NFATC2: variants seen among roughly 807,000 people sequenced by gnomAD.
NFATC2 encodes the protein nuclear factor of activated T cells 2.
A neutral mutation model predicts 87.3 loss-of-function variants in NFATC2; 22 were observed. The ratio of observed to expected loss-of-function variants is 0.25; its 90% confidence interval spans 0.18 to 0.36. The LOEUF (loss-of-function observed/expected upper bound fraction) is 0.36. Ranked by LOEUF, NFATC2 falls within the 10% of genes least tolerant of loss-of-function variation. NFATC2 has a pLI of 1.00. For synonymous variants in NFATC2, 565 were observed against 542.2 expected, an observed-to-expected ratio of 1.04 and a Z score of -0.58; for missense variants, 1,149 against 1,259.1, an observed-to-expected ratio of 0.91 and a Z score of 1.32.
In NFATC2 at chr20:51,388,464, G is replaced by A. The variant is rs940987455; in HGVS notation, c.*3032C>T. ...TTATTATATGGGTTTTTGTTTCCTG[G>A]AATGAGTAACAAATGTTTCAAGAAT... On this transcript the variant is annotated 3_prime_UTR_variant, in exon 11 of 11. Transcript: ENST00000371564. 1 of 151,140 alleles carries A rather than the reference G, an allele frequency of 6.6e-6. No individual in the cohort carries two copies. The allele number at this position is 151,140 out of a possible 1,614,324, so 9.4% of individuals were successfully genotyped here.
chr20:51,547,720 CT>C (rs1356935683), intron 1 of NFATC2, among the ~76,000 whole-genome samples: 1 of 152,196 alleles, frequency 6.6e-6, no homozygotes, highest in East Asian at 1.9e-4. Flanking sequence ...ATTGCTCTGC[CT>C]GTAATCCAGT....
intron 5 of NFATC2, among the ~76,000 whole-genome samples, chr20:51,465,327 C>T (rs1037766616): frequency 4.6e-5 from 7 of 152,130 alleles, no homozygotes; most frequent in African/African-American, 1.7e-4. Flanking sequence ...CTGCAGTGAG[C>T]CAAGATTGCA....
Position 51,523,550 on chromosome 20 carries a change from A to G in NFATC2, c.691T>C (p.Cys231Arg). The G allele has an allele frequency of 1.9e-6, 3 of 1,613,516 alleles. No individual in the cohort carries two copies. Among genetic ancestry groups the G allele is most frequent in the Non-Finnish European group, 2.5e-6 (3 of 1,179,754 alleles). ...GGCACGGGCGAGTGGCGGCCCAGGCAGCTGTCCTCGGCGAGGCTGGTTCGA... is the reference window on the plus strand; with the variant it reads ...GGCACGGGCGAGTGGCGGCCCAGGCGGCTGTCCTCGGCGAGGCTGGTTCGA... ...SPRTSLAEDS[C>R]LGRHSPVPRP... Residue 231 changes from cysteine (C) to arginine (R), a missense_variant, in exon 2 of 11, where the codon TGC (cysteine) becomes CGC (arginine). Physicochemically the swap from Cys to Arg is radical, Grantham distance 180. Transcript: ENST00000371564. This position sits in a 1 kb window ranked among gnomAD's most constrained non-coding sequence, Gnocchi z 6.9.
At chr20:51,407,350 G>A (rs1568936864) in intron 9 of NFATC2, among the ~76,000 whole-genome samples, 1 of 152,242 alleles carries the variant, frequency 6.6e-6, no homozygotes, top group Non-Finnish European at 1.5e-5. Context: ...CAAACTGCAA[G>A]CTGTAGGAGG....
At chr20:51,468,975 A>G (rs1987950500) in intron 5 of NFATC2, among the ~76,000 whole-genome samples, 1 of 151,900 alleles carries the variant, frequency 6.6e-6, no homozygotes, top group African/African-American at 2.4e-5. Flanking sequence ...TGCCCAGGCC[A>G]CATCCTGACA....
intron 2 of NFATC2, among the ~76,000 whole-genome samples, chr20:51,517,912 CA>C (rs71192528): frequency 0.082 from 11,353 of 139,094 alleles, 656 homozygotes; most frequent in African/African-American, 0.17. Flanking sequence ...GAGACTGTCT[CA>C]AAAAAAAAAA....
At position 51,532,902 on chromosome 20, in the gene NFATC2, A is replaced by G. The variant is rs115712535; in HGVS notation, c.131-8792T>C. Among the ~76,000 whole-genome samples the G allele has an allele frequency of 3.7e-3, 569 of 152,314 alleles. 6 individuals carry two copies. The highest frequency in any genetic ancestry group is 0.013 in the African/African-American group (521 of 41,568). Reference sequence around the variant, plus strand: ...CTTGAGTGGCTGGGAAGAGAGAAGCAGGGCCTGGCCTGGGGGCTGGATGCC... The same window carrying G: ...CTTGAGTGGCTGGGAAGAGAGAAGCGGGGCCTGGCCTGGGGGCTGGATGCC... On this transcript the variant is annotated intron_variant, in intron 1 of 10. Transcript: ENST00000371564.
intron 1 of NFATC2, among the ~76,000 whole-genome samples, chr20:51,553,916 C>T (rs763284099): frequency 1.3e-5 from 2 of 152,208 alleles, no homozygotes; most frequent in Middle Eastern, 6.8e-3. Flanking sequence ...CTGTCACCGT[C>T]GGCCCACTGT....
chr20:51,516,324 A>G (rs946870467), intron 3 of NFATC2, among the ~76,000 whole-genome samples: 1 of 152,264 alleles, frequency 6.6e-6, no homozygotes, highest in Non-Finnish European at 1.5e-5. Flanking sequence ...GAATAGAAAA[A>G]AGAAAGGCAA....
chr20:51,515,622 C>A (rs1237134201), intron 3 of NFATC2, among the ~76,000 whole-genome samples: 1 of 151,382 alleles, frequency 6.6e-6, no homozygotes, highest in East Asian at 1.9e-4. Context: ...AAATGGGACT[C>A]ATGGTCAAGA....
chr20:51,495,378 A>G (rs56156905), intron 3 of NFATC2, among the ~76,000 whole-genome samples: 9,908 of 152,294 alleles, frequency 0.065, 359 homozygotes, highest in Middle Eastern at 0.13. Context: ...ATGAGCCAGC[A>G]CACATGGCTG....
intron 6 of NFATC2, 144 bp from the exon 7 acceptor site, chr20:51,435,905 A>G (rs955115109): frequency 3.0e-6 from 2 of 661,238 alleles, no homozygotes; most frequent in Admixed American, 5.2e-5. Flanking sequence ...ACGTGTGTGT[A>G]CATATGTATT....
intron 3 of NFATC2, among the ~76,000 whole-genome samples, chr20:51,490,931 G>A (rs991777575): frequency 2.6e-5 from 4 of 152,178 alleles, no homozygotes; most frequent in African/African-American, 9.7e-5. Context: ...ACTGGGTTTG[G>A]GGAGCCCCAA....
Position 51,523,166 on chromosome 20 carries a change from C to T in NFATC2, c.1075G>A (p.Glu359Lys). 8.1e-6 allele frequency: 13 copies of T among 1,614,236 alleles called. No homozygotes were observed. The highest frequency in any genetic ancestry group is 1.1e-5 in the Non-Finnish European group (13 of 1,180,052). The change falls in exon 2 of 11, where the codon GAG becomes AAG. Residue 359 changes from glutamate to lysine, a missense_variant. Glu to Lys is a moderately conservative substitution (Grantham distance 56, BLOSUM62 1). Around this residue, in one of 3 missense-constraint regions of NFATC2, gnomAD observed 563 missense variants for 585.2 expected, o/e 0.96. Coordinates refer to ENST00000371564, the MANE Select transcript of NFATC2 (RefSeq NM_012340.5). This position sits in a 1 kb window ranked among gnomAD's most constrained non-coding sequence, Gnocchi z 6.9. ...VEFLGPCEQGERRNSAPESIL... is the reference protein window; with the variant it reads ...VEFLGPCEQGKRRNSAPESIL... ...GATTCTGGAGCCGAGTTTCTCCTCT[C>T]GCCCTGCTCGCAGGGCCCCAGGAAC...
At chr20:51,447,753 A>G (rs7272814) in intron 6 of NFATC2, among the ~76,000 whole-genome samples, 1 of 152,202 alleles carries the variant, frequency 6.6e-6, no homozygotes, top group Non-Finnish European at 1.5e-5. Flanking sequence ...AATTTCAGAG[A>G]ACATCCAAAT....
intron 10 of NFATC2, among the ~76,000 whole-genome samples, chr20:51,396,276 C>CTCCTCCTTCCTTTATCAGAGCTCAGAGGT (rs1414043671): frequency 1.3e-5 from 2 of 151,990 alleles, no homozygotes; most frequent in African/African-American, 4.8e-5. Context: ...CATGTACTTT[C>CTCCTCCTTCCTTTATCAGAGCTCAGAGGT]TCCTCCTTCC....
chr20:51,432,456 G>T lies in NFATC2; in HGVS notation c.2333C>A (p.Ala778Glu), dbSNP rs138421189. ...PALMAAPLSL[A>E]DAHRSVLVHA... ...CACCAGCACAGAGCGGTGAGCGTCC[G>T]CAAGGGACAGCGGGGCGGCCATGAG... is the stretch of plus-strand genomic sequence containing the variant. Residue 778 changes from alanine to glutamate, a missense_variant, in exon 9 of 11, where the codon GCG becomes GAG. By Grantham distance (107) the Ala-to-Glu change is moderately radical. Coordinates refer to ENST00000371564, the MANE Select transcript of NFATC2 (RefSeq NM_012340.5). The surrounding 1 kb of genome is among the most constrained non-coding windows in gnomAD (Gnocchi z 4.6). 2 of 1,564,866 alleles carry T rather than the reference G, an allele frequency of 1.3e-6. No individual in the cohort carries two copies. The highest frequency in any genetic ancestry group is 2.3e-5 in the East Asian group (1 of 44,354).
chr20:51,435,863 G>A, intron 6 of NFATC2, 102 bp from the exon 7 acceptor site: 1 of 933,144 alleles, frequency 1.1e-6, no homozygotes, highest in Non-Finnish European at 1.7e-6. Flanking sequence ...TGTATATTAT[G>A]TCATTTCAGT....
intron 2 of NFATC2, among the ~76,000 whole-genome samples, chr20:51,520,036 T>C (rs2076418786): frequency 6.6e-6 from 1 of 152,178 alleles, no homozygotes; most frequent in South Asian, 2.1e-4. Context: ...ATCAAGAGAC[T>C]TCCCTGATGC....
Sources: gnomAD v4.1 joint callset for allele counts (sites outside exome capture counted in the v4.1 genomes callset) on GRCh38, gnomAD v4.1.1 for gene constraint, gnomAD v4.1.1 regional missense constraint, Gnocchi (gnomAD v3.1) non-coding constraint, MANE v1.5 for transcripts, NCBI Gene and HGNC (gene_info 2026-07-23, HGNC 2026-07-21) for gene names.